CHRNA3: variants seen among roughly 807,000 people sequenced by gnomAD.
CHRNA3 encodes neuronal acetylcholine receptor subunit alpha-3.
A neutral mutation model predicts 41.9 loss-of-function variants in CHRNA3; 34 were observed. The observed-to-expected ratio is 0.81, with a 90% CI of 0.62 to 1.08. The LOEUF (loss-of-function observed/expected upper bound fraction) is 1.08. Among genes scored for constraint, CHRNA3 ranks in the 50% least tolerant of loss-of-function variants. The probability of loss-of-function intolerance (pLI) is 0.00; values close to 1 mark genes in which losing one functional copy is unlikely to be tolerated. For missense variants in CHRNA3, 542 were observed against 638.3 expected, an observed-to-expected ratio of 0.85 and a Z score of 1.63; for synonymous variants, 281 against 265.2, an observed-to-expected ratio of 1.06 and a Z score of -0.58.
chr15:78,611,894 A>G (rs370831068), intron 4 of CHRNA3, among the ~76,000 whole-genome samples: 2 of 152,096 alleles, frequency 1.3e-5, no homozygotes, highest in African/African-American at 4.8e-5. Flanking sequence ...AAATCAATGT[A>G]CAAAAATCAC....
chr15:78,612,479 A>G (rs1225412598), intron 4 of CHRNA3, among the ~76,000 whole-genome samples: 1 of 108,870 alleles, frequency 9.2e-6, no homozygotes, highest in Non-Finnish European at 1.9e-5. Context: ...AGGATTCCCT[A>G]TTTAATAAAT....
intron 4 of CHRNA3, among the ~76,000 whole-genome samples, chr15:78,610,975 A>C (rs2053371318): frequency 6.6e-6 from 1 of 152,328 alleles, no homozygotes. Flanking sequence ...ATCTAGAAGA[A>C]ATGGATAAAT....
In CHRNA3 at chr15:78,601,731, A is replaced by G. The variant is rs776748067; in HGVS notation, c.911T>C (p.Ile304Thr). ...IPSTSLVIPL[I>T]GEYLLFTMIF... ...CATGGTGAACAGGAGGTACTCTCCA[A>G]TCAGGGGGATGACCAGCGAGGTGGA... The change falls in exon 5 of 6, where the codon ATT becomes ACT. Residue 304 changes from isoleucine to threonine, a missense_variant. Transcript: ENST00000326828. 6.2e-7 allele frequency: 1 copy of G among 1,614,168 alleles called. No individual in the cohort carries two copies. The highest frequency in any genetic ancestry group is 8.5e-7 in the Non-Finnish European group (1 of 1,180,020).
chr15:78,604,807 G>T (rs919824774), intron 4 of CHRNA3, among the ~76,000 whole-genome samples: 1 of 152,216 alleles, frequency 6.6e-6, no homozygotes, highest in African/African-American at 2.4e-5. Context: ...GAGGTCAGCA[G>T]TTTGAGACCA....
Position 78,596,684 on chromosome 15 carries a change from G to T in CHRNA3, c.1438C>A (p.Leu480Met). The change falls in exon 6 of 6, where the codon CTG (leucine) becomes ATG (methionine). Residue 480 changes from leucine (L) to methionine (M), a missense_variant. Leu to Met is a conservative substitution (Grantham distance 15). Coordinates refer to ENST00000326828, the MANE Select transcript of CHRNA3 (RefSeq NM_000743.5). ...ATGCACACCAGGGTGAAAACCCACAGAAAAATACGATCAATCACCATGGCA... is the reference window on the plus strand; with the variant it reads ...ATGCACACCAGGGTGAAAACCCACATAAAAATACGATCAATCACCATGGCA... The part of the protein sequence containing the change: ...YVAMVIDRIF[L>M]WVFTLVCILG... The T allele has an allele frequency of 5.0e-6, 8 of 1,612,688 alleles. No individual in the cohort carries two copies. The highest frequency in any genetic ancestry group is 5.9e-6 in the Non-Finnish European group (7 of 1,179,774).
Position 78,601,496 on chromosome 15 carries a change from G to A in CHRNA3, c.1146C>T (p.Cys382=), listed in dbSNP as rs1473187532. 4.3e-6 allele frequency: 7 copies of A among 1,614,182 alleles called. No homozygotes were observed. The East Asian group carries it at 8.9e-5, about 21-fold the overall frequency. The part of the protein sequence containing the change: ...LYGAELSNLN[C]FSRAESKGCK... The stretch of plus-strand genomic sequence containing the variant: ...AGCCTTTGGACTCTGCGCGGCTGAA[G>A]CAATTCAGATTTGAGAGCTCGGCAC... Residue 382 remains cysteine (C), a synonymous_variant, in exon 5 of 6, where the codon TGC becomes TGT. Transcript: ENST00000326828.
intron 4 of CHRNA3, among the ~76,000 whole-genome samples, chr15:78,616,514 G>A (rs1337441691): frequency 2.0e-5 from 3 of 152,068 alleles, no homozygotes; most frequent in Non-Finnish European, 4.4e-5. Context: ...CTCCATTCCT[G>A]TCTGTTTGCA....
At chr15:78,597,590 G>C (rs2053133999) in intron 5 of CHRNA3, among the ~76,000 whole-genome samples, 2 of 152,122 alleles carry the variant, frequency 1.3e-5, no homozygotes, top group Admixed American at 6.6e-5. Context: ...AAGTATCATG[G>C]GATACTGTGC....
At chr15:78,614,231 G>T (rs2053428834) in intron 4 of CHRNA3, among the ~76,000 whole-genome samples, 1 of 152,154 alleles carries the variant, frequency 6.6e-6, no homozygotes, top group African/African-American at 2.4e-5. Flanking sequence ...CGCAAAACAT[G>T]AAGATTAAAC....
chr15:78,620,667 T>C, intron 1 of CHRNA3, 46 bp downstream of exon 1: 3 of 1,496,302 alleles, frequency 2.0e-6, no homozygotes, highest in Admixed American at 2.1e-5. Context: ...CCCGCGCCCC[T>C]TCTCGGGCGC....
chr15:78,602,150 G>C lies in CHRNA3; in HGVS notation c.492C>G (p.Thr164=). Residue 164 remains threonine, a synonymous_variant, in exon 5 of 6, where the codon ACC becomes ACG. Transcript: ENST00000326828. The stretch of plus-strand genomic sequence containing the variant: ...AGTTTTGGTAATCAAACGGGAAGTA[G>C]GTCACGTCGATTTTACAGGAGCTCT... ...IFKSSCKIDV[T]YFPFDYQNCT... 1 of 1,614,092 alleles carries C rather than the reference G, an allele frequency of 6.2e-7. No homozygotes were observed. Among genetic ancestry groups the C allele is most frequent in the Non-Finnish European group, 8.5e-7 (1 of 1,180,026 alleles).
intron 4 of CHRNA3, among the ~76,000 whole-genome samples, chr15:78,614,198 C>A (rs2053428206): frequency 6.6e-6 from 1 of 152,146 alleles, no homozygotes; most frequent in African/African-American, 2.4e-5. Context: ...CTCAAGATTG[C>A]CAGCAAGGAA....
chr15:78,608,881 C>A (rs190020838), intron 4 of CHRNA3, among the ~76,000 whole-genome samples: 1 of 152,088 alleles, frequency 6.6e-6, no homozygotes. Context: ...GCAGAGAAGT[C>A]CTTAAAGGAG....
chr15:78,608,065 G>A (rs1258583045), intron 4 of CHRNA3, among the ~76,000 whole-genome samples: 1 of 152,250 alleles, frequency 6.6e-6, no homozygotes, highest in Non-Finnish European at 1.5e-5. Flanking sequence ...AAACAAAGCA[G>A]CCGGGAAGCT....
intron 4 of CHRNA3, among the ~76,000 whole-genome samples, chr15:78,613,143 AT>A (rs2053406113): frequency 6.6e-6 from 1 of 152,212 alleles, no homozygotes; most frequent in Non-Finnish European, 1.5e-5. Context: ...TAGTTCAACC[AT>A]TGTGGAAGTC....
At chr15:78,598,358 T>C (rs904512551) in intron 5 of CHRNA3, among the ~76,000 whole-genome samples, 2 of 151,820 alleles carry the variant, frequency 1.3e-5, no homozygotes, top group Non-Finnish European at 2.9e-5. Context: ...TGAATAGAAA[T>C]AGTGGTGCAA....
chr15:78,613,088 G>A (rs1465513898), intron 4 of CHRNA3, among the ~76,000 whole-genome samples: 2 of 152,236 alleles, frequency 1.3e-5, no homozygotes, highest in African/African-American at 4.8e-5. Flanking sequence ...TGGCGAGGAT[G>A]TGGAGAAATA....
chr15:78,606,149 C>T (rs1163869544), intron 4 of CHRNA3, among the ~76,000 whole-genome samples: 2 of 151,626 alleles, frequency 1.3e-5, no homozygotes, highest in South Asian at 2.1e-4. Context: ...GGTGAAACCC[C>T]GTCTCTACCA....
intron 4 of CHRNA3, among the ~76,000 whole-genome samples, chr15:78,610,823 T>C (rs77403874): frequency 0.43 from 64,894 of 151,736 alleles, 14,503 homozygotes; most frequent in African/African-American, 0.54. Context: ...ATTGATAGAC[T>C]GCTAGCAAGA....
Sources: allele counts gnomAD v4.1 joint callset (sites outside exome capture counted in the v4.1 genomes callset), GRCh38; gene constraint gnomAD v4.1.1; transcripts MANE v1.5; gene names NCBI Gene and HGNC (gene_info 2026-07-23, HGNC 2026-07-21).